Variants in CCDC171 observed in about 807,000 individuals in gnomAD.
CCDC171 encodes coiled-coil domain containing 171, also known as coiled-coil domain-containing protein 171.
CCDC171 carries 177 observed loss-of-function variants against 168.2 expected under a neutral mutation model. The ratio of observed to expected loss-of-function variants is 1.05; its 90% confidence interval spans 0.93 to 1.19. The LOEUF (loss-of-function observed/expected upper bound fraction) is 1.19. CCDC171 is among the 50% of genes most tolerant of loss of function. CCDC171 has a pLI of 0.00. For synonymous variants in CCDC171, 687 were observed against 540.8 expected, an observed-to-expected ratio of 1.27 and a Z score of -3.75; for missense variants, 1,991 against 1,539.0, an observed-to-expected ratio of 1.29 and a Z score of -4.91.
At chr9:15,964,089 T>C (rs1249374021) in intron 25 of CCDC171, among the ~76,000 whole-genome samples, 1 of 152,210 alleles carries the variant, frequency 6.6e-6, no homozygotes, top group Non-Finnish European at 1.5e-5. Context: ...GAGCCCAAGA[T>C]AGAAGCAGCC....
intron 8 of CCDC171, among the ~76,000 whole-genome samples, chr9:15,659,604 C>CA (rs1368002875): frequency 6.6e-6 from 1 of 152,070 alleles, no homozygotes; most frequent in African/African-American, 2.4e-5. Flanking sequence ...ACTTTGTGAA[C>CA]AAATGTAATA....
chr9:15,767,027 A>G lies in CCDC171; in HGVS notation c.2672-10573A>G, dbSNP rs568656065. Reference sequence around the variant, plus strand: ...TTAAAAATGCCAAAATTTACAGCATACCAGGAATGATATGCTTTACAACTG... The same window carrying G: ...TTAAAAATGCCAAAATTTACAGCATGCCAGGAATGATATGCTTTACAACTG... On this transcript the variant is annotated intron_variant, in intron 18 of 25. Coordinates refer to ENST00000380701, the MANE Select transcript of CCDC171 (RefSeq NM_173550.4). Among the ~76,000 whole-genome samples, 14 of 152,320 alleles carry G rather than the reference A, an allele frequency of 9.2e-5. No homozygotes were observed. The South Asian group carries it at 2.7e-3, about 29-fold the overall frequency.
intron 6 of CCDC171, among the ~76,000 whole-genome samples, chr9:16,023,616 A>G (rs2133028098): frequency 6.6e-6 from 1 of 152,336 alleles, no homozygotes; most frequent in East Asian, 1.9e-4. Context: ...TGAAGGACTC[A>G]GCCCTTTCCA....
chr9:16,086,667 C>G, the CCDC171 span, among the ~76,000 whole-genome samples: 1 of 152,112 alleles, frequency 6.6e-6, no homozygotes, highest in Non-Finnish European at 1.5e-5. Flanking sequence ...AAAAACAGCT[C>G]CTAGATTCAT....
intron 21 of CCDC171, among the ~76,000 whole-genome samples, chr9:15,802,610 G>A (rs1055348859): frequency 6.6e-6 from 1 of 152,070 alleles, no homozygotes; most frequent in African/African-American, 2.4e-5. Context: ...TGGCTGCATG[G>A]TATTCCATGT....
intron 7 of CCDC171, among the ~76,000 whole-genome samples, chr9:15,639,344 C>G (rs1034634105): frequency 3.9e-5 from 6 of 151,942 alleles, no homozygotes; most frequent in African/African-American, 1.4e-4. Context: ...AAGATTGGAA[C>G]TTCAGTTAAA....
chr9:16,070,284 G>A, the CCDC171 span, among the ~76,000 whole-genome samples: 1 of 152,184 alleles, frequency 6.6e-6, no homozygotes, highest in South Asian at 2.1e-4. Context: ...GCCAAGGAGT[G>A]TTACTGGTCC....
In CCDC171 at chr9:15,685,350, G is replaced by T. The variant is rs997568417; in HGVS notation, c.1215+6454G>T. 2.0e-5 allele frequency among the ~76,000 whole-genome samples: 3 copies of T among 152,164 alleles called. No homozygotes were observed. In the East Asian group the frequency reaches 5.8e-4, roughly 29 times the overall value. On this transcript the variant is annotated intron_variant, in intron 10 of 25. Coordinates refer to ENST00000380701, the MANE Select transcript of CCDC171 (RefSeq NM_173550.4). ...AAAATTTGAATATAAGCATAGACCA[G>T]ATATGGTGGCTGACACCTATAATCC... is the stretch of plus-strand genomic sequence containing the variant.
At chr9:15,686,550 A>G (rs1192239441) in intron 10 of CCDC171, among the ~76,000 whole-genome samples, 2 of 152,118 alleles carry the variant, frequency 1.3e-5, no homozygotes, top group East Asian at 3.8e-4. Flanking sequence ...TAATATATGT[A>G]TCAAAATAGC....
At position 15,969,129 on chromosome 9, in the gene CCDC171, G is replaced by A. The variant is rs189770467; in HGVS notation, c.3754-2480G>A. 5.9e-5 allele frequency among the ~76,000 whole-genome samples: 9 copies of A among 152,160 alleles called. No individual in the cohort carries two copies. The East Asian group carries it at 1.5e-3, about 26-fold the overall frequency. On this transcript the variant is annotated intron_variant, in intron 25 of 25. Coordinates refer to ENST00000380701, the MANE Select transcript of CCDC171 (RefSeq NM_173550.4). ...AGTGTGCAAAAAGTGAAACTAATTT[G>A]AAATACTAGGGAAATAACACCCCAT...
chr9:16,036,934 A>G (rs1833481963), intron 8 of CCDC171, among the ~76,000 whole-genome samples: 1 of 152,218 alleles, frequency 6.6e-6, no homozygotes, highest in South Asian at 2.1e-4. Context: ...AGAAAGACAA[A>G]TACTGCATGT....
intron 7 of CCDC171, among the ~76,000 whole-genome samples, chr9:15,649,022 A>G (rs1010680107): frequency 3.9e-5 from 6 of 152,192 alleles, no homozygotes; most frequent in African/African-American, 1.4e-4. Flanking sequence ...AGTAACCAAA[A>G]CAGCATGGTA....
intron 3 of CCDC171, among the ~76,000 whole-genome samples, chr9:15,997,525 T>C (rs1328689472): frequency 3.3e-5 from 5 of 152,194 alleles, no homozygotes; most frequent in Admixed American, 6.5e-5. Flanking sequence ...TTTCAGGGAA[T>C]AGCCCTTCCA....
At chr9:16,088,394 T>C in the CCDC171 span, among the ~76,000 whole-genome samples, 1 of 152,102 alleles carries the variant, frequency 6.6e-6, no homozygotes, top group African/African-American at 2.4e-5. Flanking sequence ...GAGAAAGAAA[T>C]AAATGTATTC....
chr9:15,991,644 G>A (rs1832203709), intron 3 of CCDC171, among the ~76,000 whole-genome samples: 1 of 151,970 alleles, frequency 6.6e-6, no homozygotes, highest in African/African-American at 2.4e-5. Context: ...TCCAGGAGGT[G>A]GTTTTTTGAA....
intron 9 of CCDC171, among the ~76,000 whole-genome samples, chr9:15,676,598 T>A (rs767308649): frequency 6.6e-6 from 1 of 152,126 alleles, no homozygotes; most frequent in Non-Finnish European, 1.5e-5. Context: ...TTTAACATCA[T>A]CCTTGGAATT....
At chr9:15,772,684 G>A (rs1304492151) in intron 18 of CCDC171, among the ~76,000 whole-genome samples, 1 of 152,236 alleles carries the variant, frequency 6.6e-6, no homozygotes, top group African/African-American at 2.4e-5. Context: ...TCCATTCTTA[G>A]ATGAGAAGAA....
chr9:15,644,567 C>T (rs573441883), intron 7 of CCDC171, among the ~76,000 whole-genome samples: 34 of 152,336 alleles, frequency 2.2e-4, no homozygotes, highest in African/African-American at 8.2e-4. Flanking sequence ...TTCCAGTGGT[C>T]TTAGCAAACG....
chr9:16,076,027 G>T, the CCDC171 span, among the ~76,000 whole-genome samples: 17 of 152,324 alleles, frequency 1.1e-4, 1 homozygote, highest in South Asian at 2.5e-3. Context: ...TCAATTTGAA[G>T]AACAGTTTTT....
Sources: gnomAD v4.1 joint callset for allele counts (sites outside exome capture counted in the v4.1 genomes callset) on GRCh38, gnomAD v4.1.1 for gene constraint, MANE v1.5 for transcripts, NCBI Gene and HGNC (gene_info 2026-07-23, HGNC 2026-07-21) for gene names.